REXO4: variants seen among roughly 807,000 people sequenced by gnomAD.
REXO4 encodes REX4 homolog, 3'-5' exonuclease.
REXO4 carries 29 observed loss-of-function variants against 39.9 expected under a neutral mutation model. That is an observed-to-expected ratio of 0.73 (90% CI 0.54 to 0.99). REXO4 has a LOEUF of 0.99. Ranked by LOEUF, REXO4 falls within the 50% of genes least tolerant of loss-of-function variation. The pLI is 0.00. For synonymous variants in REXO4, 184 were observed against 206.2 expected (o/e 0.89, Z 0.92); for missense variants, 524 against 546.5 (o/e 0.96, Z 0.41).
chr9:133,409,384 A>G (rs1554779677), intron 5 of REXO4, among the ~76,000 whole-genome samples: 1 of 152,214 alleles, frequency 6.6e-6, no homozygotes. Flanking sequence ...GATGCCCAAC[A>G]GTCAGAGACA....
intron 2 of REXO4, among the ~76,000 whole-genome samples, chr9:133,414,185 T>A (rs1003055993): frequency 6.6e-6 from 1 of 152,214 alleles, no homozygotes; most frequent in Non-Finnish European, 1.5e-5. Flanking sequence ...TCCTCCCACC[T>A]TGGCCTCCCA....
chr9:133,412,780 G>A lies in REXO4; in HGVS notation c.714C>T (p.Gly238=), dbSNP rs1184936042. 27 of 1,611,424 alleles carry A rather than the reference G, an allele frequency of 1.7e-5. No homozygotes were observed. The highest frequency in any genetic ancestry group is 2.2e-5 in the South Asian group (2 of 91,086). The change falls in exon 3 of 8, where the codon GGC becomes GGT. Residue 238 remains glycine (G), a splice_region_variant and synonymous_variant. Transcript: ENST00000371942. ...SLSLVKEQAF[G]GLTRALALDC... ...CCCACTCCCTGAGACCAGCGTACCC[G>A]CCGAAGGCCTGCTCTTTCACGAGGC...
rs1839739773 is a variant in REXO4, at chr9:133,417,631, C to T, written c.214G>A (p.Ala72Thr). The T allele has an allele frequency of 6.2e-7, 1 of 1,613,678 alleles. No homozygotes were observed. Among genetic ancestry groups the T allele is most frequent in the African/African-American group, 1.3e-5 (1 of 74,942 alleles). Residue 72 changes from alanine to threonine, a missense_variant, in exon 1 of 8, where the codon GCG becomes ACG. Ala to Thr is a moderately conservative substitution (Grantham distance 58, BLOSUM62 0). Transcript: ENST00000371942. ...CCCTCAAGCCTCACCTCTTGCAGCG[C>T]CTTCCAGTTTTGAGAAAAGTCTTCT... The part of the protein sequence containing the change: ...APEDFSQNWK[A>T]LQEWLLKQKS...
chr9:133,412,636 T>G (rs1839282823), intron 3 of REXO4, 142 bp downstream of exon 3: 2 of 1,400,182 alleles, frequency 1.4e-6, no homozygotes. Context: ...ACAAGCTCTG[T>G]GTGGTCCTGG....
At chr9:133,408,472 G>A (rs914337447) in intron 6 of REXO4, among the ~76,000 whole-genome samples, 4 of 150,852 alleles carry the variant, frequency 2.7e-5, no homozygotes, top group Admixed American at 2.6e-4. Flanking sequence ...AAAAAAAAAA[G>A]GATGAAGAAC....
intron 1 of REXO4, among the ~76,000 whole-genome samples, chr9:133,416,757 A>G (rs967521881): frequency 6.6e-6 from 1 of 152,236 alleles, no homozygotes; most frequent in Admixed American, 6.5e-5. Flanking sequence ...TAGATGATCT[A>G]TTTAAACTTT....
At position 133,406,928 on chromosome 9, in the gene REXO4, C is replaced by A; in HGVS notation, c.*25G>T. ...TGGTCACATTGCCTCTGTAGCGGGGCGGCAGCAGCAGCAGGGCAGGACTGC... is the reference window on the plus strand; with the variant it reads ...TGGTCACATTGCCTCTGTAGCGGGGAGGCAGCAGCAGCAGGGCAGGACTGC... On this transcript the variant is annotated 3_prime_UTR_variant, in exon 8 of 8. Coordinates refer to ENST00000371942, the MANE Select transcript of REXO4 (RefSeq NM_020385.4). The A allele has an allele frequency of 6.2e-7, 1 of 1,607,522 alleles. No individual in the cohort carries two copies. Among genetic ancestry groups the A allele is most frequent in the Non-Finnish European group, 8.5e-7 (1 of 1,179,908 alleles).
chr9:133,410,445 G>T (rs1839154020), intron 5 of REXO4, among the ~76,000 whole-genome samples: 1 of 152,220 alleles, frequency 6.6e-6, no homozygotes, highest in Non-Finnish European at 1.5e-5. Flanking sequence ...CCTGCCCAGG[G>T]TCTGTATATG....
At chr9:133,415,288 C>T (rs1839511757) in intron 1 of REXO4, among the ~76,000 whole-genome samples, 1 of 152,286 alleles carries the variant, frequency 6.6e-6, no homozygotes, top group East Asian at 1.9e-4. Context: ...ACTCATTCTA[C>T]ACCTTGGGTA....
Position 133,417,999 on chromosome 9 carries a change from C to A in REXO4, c.-155G>T. ...AAAAGACTCCGGAAGAGACCCCGCA[C>A]GCGTTGCGCATACCTCAGCACGCAC... On this transcript the variant is annotated 5_prime_UTR_variant, in exon 1 of 8. Transcript: ENST00000371942. 2.9e-6 allele frequency: 2 copies of A among 678,746 alleles called. No homozygotes were observed. The highest frequency in any genetic ancestry group is 4.9e-6 in the Non-Finnish European group (2 of 409,546). 42.0% of individuals were successfully genotyped at this position (678,746 alleles called of 1,614,324 possible). A position where few individuals can be genotyped will look rare whatever the true frequency, so the allele number is the denominator to read the frequency against.
At chr9:133,411,391 T>A (rs1839206181) in intron 4 of REXO4, among the ~76,000 whole-genome samples, 1 of 152,254 alleles carries the variant, frequency 6.6e-6, no homozygotes, top group South Asian at 2.1e-4. Flanking sequence ...TAGAGCCGCC[T>A]GGCAGCGTGG....
At position 133,417,968 on chromosome 9, in the gene REXO4, TC is replaced by T; in HGVS notation, c.-125del. The T allele has an allele frequency of 2.2e-6, 2 of 904,420 alleles. No homozygotes were observed. The highest frequency in any genetic ancestry group is 3.3e-6 in the Non-Finnish European group (2 of 611,202). The allele number at this position is 904,420 out of a possible 1,614,324, so 56.0% of individuals were successfully genotyped here. A position where few individuals can be genotyped will look rare whatever the true frequency, so the allele number is the denominator to read the frequency against. ...AAACACACCCACCGCAGGGACCCCG[TC>T]CAGGAAAAGACTCCGGAAGAGACCC... On this transcript the variant is annotated 5_prime_UTR_variant, in exon 1 of 8. An upstream open reading frame in the 5' UTR gains an earlier in-frame stop. Coordinates refer to ENST00000371942, the MANE Select transcript of REXO4 (RefSeq NM_020385.4).
At position 133,407,023 on chromosome 9, in the gene REXO4, T is replaced by TC; in HGVS notation, c.1198dup (p.Glu400GlyfsTer21). 6.2e-7 allele frequency: 1 copy of TC among 1,613,302 alleles called. No individual in the cohort carries two copies. On this transcript the variant is annotated frameshift_variant, in exon 8 of 8. Coordinates refer to ENST00000371942, the MANE Select transcript of REXO4 (RefSeq NM_020385.4). LOFTEE classifies it low-confidence loss of function (END_TRUNC). Reference sequence around the variant, plus strand: ...CCTGTCTCGGGCCATGCTCTCCCACTCCTTCTTCACCATGACGTACAGCCT... The same window carrying TC: ...CCTGTCTCGGGCCATGCTCTCCCACTCCCTTCTTCACCATGACGTACAGCCT...
At chr9:133,417,316 CT>C (rs953497082) in intron 1 of REXO4, among the ~76,000 whole-genome samples, 4 of 152,246 alleles carry the variant, frequency 2.6e-5, no homozygotes, top group Admixed American at 2.6e-4. Flanking sequence ...CGCGCCCGGC[CT>C]GGTTTCGGGA....
In REXO4 at chr9:133,406,482, G is replaced by C. The variant is rs921010854; in HGVS notation, c.*471C>G. The C allele has an allele frequency of 6.0e-6, 1 of 167,008 alleles. No homozygotes were observed. The highest frequency in any genetic ancestry group is 2.4e-5 in the African/African-American group (1 of 42,114). 10.3% of individuals were successfully genotyped at this position (167,008 alleles called of 1,614,324 possible). The stretch of plus-strand genomic sequence containing the variant: ...GTTGTGCCGGCCAGCTGTGTCTCAG[G>C]AGCTGACTGCAGACACCTGGTCTGG... On this transcript the variant is annotated 3_prime_UTR_variant, in exon 8 of 8. Coordinates refer to ENST00000371942, the MANE Select transcript of REXO4 (RefSeq NM_020385.4).
chr9:133,408,934 T>TTGTGTGTGTG lies in REXO4; in HGVS notation c.1000-102_1000-93dup, dbSNP rs71503345. 426 of 321,916 alleles carry TTGTGTGTGTG rather than the reference T, an allele frequency of 1.3e-3. 10 individuals are homozygous for TTGTGTGTGTG. Among genetic ancestry groups the TTGTGTGTGTG allele is most frequent in the African/African-American group, 0.011 (326 of 29,404 alleles). 19.9% of individuals were successfully genotyped at this position (321,916 alleles called of 1,614,324 possible). On this transcript the variant is annotated intron_variant, in intron 5 of 7. Transcript: ENST00000371942. ...CCGCCACCTTTTGCAAGTAACATCTTTGTGTGTGTGTGTGTGTGTGTGTGT... is the reference window on the plus strand; with the variant it reads ...CCGCCACCTTTTGCAAGTAACATCTTTGTGTGTGTGTGTGTGTGTGTGTGTGTGTGTGTGT...
In REXO4 at chr9:133,407,018, C is replaced by A. The variant is rs1409192100; in HGVS notation, c.1204G>T (p.Glu402Ter). Reference protein sequence around the residue: ...RLYVMVKKEWESMARDRRPLL... With the variant: ...RLYVMVKKEW Reference sequence around the variant, plus strand: ...GGGCGCCTGTCTCGGGCCATGCTCTCCCACTCCTTCTTCACCATGACGTAC... The same window carrying A: ...GGGCGCCTGTCTCGGGCCATGCTCTACCACTCCTTCTTCACCATGACGTAC... Residue 402 changes from glutamate to a stop codon, truncating the protein, a stop_gained, in exon 8 of 8, where the codon GAG becomes TAG. Transcript: ENST00000371942. LOFTEE classifies it low-confidence loss of function (END_TRUNC). 6.2e-7 allele frequency: 1 copy of A among 1,613,256 alleles called. No homozygotes were observed. The highest frequency in any genetic ancestry group is 1.3e-5 in the African/African-American group (1 of 74,902).
intron 2 of REXO4, chr9:133,414,425 C>A: frequency 1.5e-6 from 1 of 686,638 alleles, no homozygotes; most frequent in Non-Finnish European, 2.7e-6. Flanking sequence ...TTTCCTTCCA[C>A]ACACGTGTAC....
intron 7 of REXO4, 49 bp downstream of exon 7, chr9:133,407,758 G>T: frequency 1.3e-6 from 2 of 1,516,412 alleles, no homozygotes; most frequent in Non-Finnish European, 1.8e-6. Flanking sequence ...CTGGTTCCAG[G>T]TGGGAAACCG....
Sources: allele counts gnomAD v4.1 joint callset (sites outside exome capture counted in the v4.1 genomes callset), GRCh38; gene constraint gnomAD v4.1.1; transcripts MANE v1.5; gene names NCBI Gene and HGNC (gene_info 2026-07-23, HGNC 2026-07-21).